Variants in SAMD5 observed in about 807,000 individuals in gnomAD.
SAMD5 encodes the protein sterile alpha motif domain-containing protein 5.
Under a neutral mutation model 11.3 loss-of-function variants are expected in SAMD5, and 13 were observed. The ratio of observed to expected loss-of-function variants is 1.15; its 90% CI spans 0.75 to 1.83. The LOEUF (loss-of-function observed/expected upper bound fraction) is 1.83. SAMD5 is among the 40% of genes most tolerant of loss of function. The probability of loss-of-function intolerance (pLI) is 0.00; values close to 1 mark genes in which losing one functional copy is unlikely to be tolerated. For synonymous variants in SAMD5, 129 were observed against 111.3 expected, an observed-to-expected ratio of 1.16 and a Z score of -1.00; for missense variants, 255 against 239.1, an observed-to-expected ratio of 1.07 and a Z score of -0.44.
chr6:147,569,656 G>A lies in SAMD5; in HGVS notation c.*5200G>A, dbSNP rs1789105373. 2.0e-6 allele frequency: 2 copies of A among 985,266 alleles called. No individual in the cohort carries two copies. Among genetic ancestry groups the A allele is most frequent in the African/African-American group, 1.7e-5 (1 of 57,234 alleles). The allele number at this position is 985,266 out of a possible 1,614,324, so 61.0% of individuals were successfully genotyped here. On this transcript the variant is annotated 3_prime_UTR_variant, in exon 2 of 2. Coordinates refer to ENST00000367474, the MANE Select transcript of SAMD5 (RefSeq NM_001030060.3). ...AGAAATTGTATTGTTCATTGCACTT[G>A]TTGCCCTGTTCCCCAAGCTTGTCAA...
At chr6:147,770,838 T>A in the SAMD5 span, among the ~76,000 whole-genome samples, 1 of 152,326 alleles carries the variant, frequency 6.6e-6, no homozygotes, top group African/African-American at 2.4e-5. Flanking sequence ...TTATTTAAAC[T>A]TTAGGAACTA....
the SAMD5 span, among the ~76,000 whole-genome samples, chr6:147,895,743 G>A: frequency 6.6e-6 from 1 of 152,176 alleles, no homozygotes; most frequent in African/African-American, 2.4e-5. Context: ...AGGCTGACTG[G>A]TTTGACCTCG....
chr6:147,868,062 T>A, the SAMD5 span, among the ~76,000 whole-genome samples: 1 of 152,234 alleles, frequency 6.6e-6, no homozygotes, highest in Admixed American at 6.5e-5. Context: ...ATATACTTTT[T>A]ACAAGATGTT....
chr6:147,757,430 T>A, the SAMD5 span, among the ~76,000 whole-genome samples: 1 of 152,186 alleles, frequency 6.6e-6, no homozygotes, highest in African/African-American at 2.4e-5. Flanking sequence ...GATGTCCTCA[T>A]TCTTTCTGAG....
the SAMD5 span, among the ~76,000 whole-genome samples, chr6:147,910,683 G>A: frequency 6.6e-6 from 1 of 152,164 alleles, no homozygotes. Context: ...ACACAATACG[G>A]TGGAGCTCTG....
chr6:147,919,631 T>C, the SAMD5 span, among the ~76,000 whole-genome samples: 1 of 152,334 alleles, frequency 6.6e-6, no homozygotes, highest in South Asian at 2.1e-4. Context: ...TACTTTTCCT[T>C]TGGAAGGCCT....
intron 1 of SAMD5, among the ~76,000 whole-genome samples, chr6:147,623,113 T>G (rs144975097): frequency 4.9e-4 from 74 of 152,286 alleles, no homozygotes; most frequent in African/African-American, 1.8e-3. Context: ...AACCCCACAT[T>G]CTTGGACAGA....
In SAMD5 at chr6:147,591,150, GAA is replaced by G. The variant is rs11355292; in HGVS notation, c.162+81773_162+81774del. ...TCCATAAGAGCATCAATTTATGGGG[GAA>G]AAAAAAAAACCCAAGATGGGGAAAA... On this transcript the variant is annotated intron_variant, in intron 1 of 1. Transcript: ENST00000566741. Among the ~76,000 whole-genome samples the G allele has an allele frequency of 5.9e-3, 887 of 149,166 alleles. 11 individuals carry two copies. Among genetic ancestry groups the G allele is most frequent in the African/African-American group, 0.019 (775 of 40,752 alleles).
At chr6:147,598,318 T>C (rs1789566335) in intron 1 of SAMD5, among the ~76,000 whole-genome samples, 1 of 151,988 alleles carries the variant, frequency 6.6e-6, no homozygotes, top group African/African-American at 2.4e-5. Context: ...AGAGACAGGG[T>C]TGCACCATGT....
chr6:147,840,256 T>C, the SAMD5 span, among the ~76,000 whole-genome samples: 2 of 152,230 alleles, frequency 1.3e-5, no homozygotes, highest in Non-Finnish European at 2.9e-5. Flanking sequence ...TCCAAATGTA[T>C]ATTCACTGAT....
chr6:147,727,907 T>C (rs983746336), intron 1 of SAMD5, among the ~76,000 whole-genome samples: 5 of 152,228 alleles, frequency 3.3e-5, no homozygotes, highest in African/African-American at 1.2e-4. Flanking sequence ...TGCATTATTT[T>C]GAAAACTGGT....
At chr6:147,726,907 A>G (rs1273228623) in intron 1 of SAMD5, among the ~76,000 whole-genome samples, 1 of 152,138 alleles carries the variant, frequency 6.6e-6, no homozygotes, top group Non-Finnish European at 1.5e-5. Context: ...TTCTTCTGTC[A>G]TTTCCTTTCA....
intron 1 of SAMD5, among the ~76,000 whole-genome samples, chr6:147,651,974 C>A (rs1790492205): frequency 6.6e-6 from 1 of 152,140 alleles, no homozygotes; most frequent in Non-Finnish European, 1.5e-5. Context: ...CCGCATTCAG[C>A]CTCTTACCAG....
the SAMD5 span, among the ~76,000 whole-genome samples, chr6:147,788,841 T>C: frequency 1.9e-3 from 289 of 152,226 alleles, 1 homozygote; most frequent in Middle Eastern, 0.024. Flanking sequence ...CCCAGCACTT[T>C]GGGAGGCCAA....
At chr6:147,846,067 A>G in the SAMD5 span, among the ~76,000 whole-genome samples, 1 of 152,090 alleles carries the variant, frequency 6.6e-6, no homozygotes, top group Non-Finnish European at 1.5e-5. Context: ...TGATCGATAC[A>G]CACCATGACC....
the SAMD5 span, among the ~76,000 whole-genome samples, chr6:147,787,568 C>T: frequency 1.3e-5 from 2 of 152,172 alleles, no homozygotes; most frequent in Non-Finnish European, 2.9e-5. Context: ...TGAATTGTCA[C>T]TGACAGGTTT....
chr6:147,586,496 G>A (rs145486211), intron 1 of SAMD5, among the ~76,000 whole-genome samples: 28 of 152,136 alleles, frequency 1.8e-4, no homozygotes, highest in Admixed American at 9.8e-4. Context: ...GGATATTTAC[G>A]GAGAAATTGT....
intron 1 of SAMD5, among the ~76,000 whole-genome samples, chr6:147,550,900 T>TTATA (rs10677162): frequency 2.6e-3 from 387 of 150,484 alleles, no homozygotes; most frequent in African/African-American, 7.4e-3. Flanking sequence ...CCTCTTATAT[T>TTATA]TATATATATA....
intron 1 of SAMD5, among the ~76,000 whole-genome samples, chr6:147,694,578 AG>A (rs1299865731): frequency 2.0e-5 from 3 of 151,882 alleles, no homozygotes; most frequent in Non-Finnish European, 2.9e-5. Context: ...CAACTTTGGG[AG>A]GCCAAGGTGG....
Sources: allele counts gnomAD v4.1 joint callset (sites outside exome capture counted in the v4.1 genomes callset), GRCh38; gene constraint gnomAD v4.1.1; transcripts MANE v1.5; gene names NCBI Gene and HGNC (gene_info 2026-07-23, HGNC 2026-07-21).